Variants in ALPK3 observed in about 807,000 individuals in gnomAD.
ALPK3 encodes alpha-protein kinase 3.
Under a neutral mutation model 140.0 loss-of-function variants are expected in ALPK3, and 102 were observed. The ratio of observed to expected loss-of-function variants is 0.73; its 90% CI spans 0.62 to 0.86. ALPK3 has a LOEUF of 0.86. Among genes scored for constraint, ALPK3 ranks in the 40% least tolerant of loss-of-function variants. The pLI is 0.00. For synonymous variants in ALPK3, 938 were observed against 898.5 expected (o/e 1.04, Z -0.79); for missense variants, 2,254 against 2,208.2 (o/e 1.02, Z -0.42).
At chr15:84,835,673 G>C in intron 3 of ALPK3, among the ~76,000 whole-genome samples, 1 of 152,148 alleles carries the variant, frequency 6.6e-6, no homozygotes, top group East Asian at 1.9e-4. Flanking sequence ...TGCAGGTGAC[G>C]TTAGAGCTGA....
chr15:84,839,640 G>A, intron 4 of ALPK3, 62 bp from the exon 5 acceptor site: 1 of 1,527,226 alleles, frequency 6.5e-7, no homozygotes, highest in Non-Finnish European at 8.8e-7. Context: ...CTCTGGCTGG[G>A]GGGTGTGGGG....
chr15:84,858,728 T>C (rs754104268), intron 6 of ALPK3, among the ~76,000 whole-genome samples, 173 bp downstream of exon 6: 16 of 152,224 alleles, frequency 1.1e-4, no homozygotes, highest in Non-Finnish European at 1.5e-4. Flanking sequence ...TGGTTCTTGT[T>C]TTGATTCTGC....
At chr15:84,818,366 C>G (rs1963385862) in intron 1 of ALPK3, among the ~76,000 whole-genome samples, 1 of 152,192 alleles carries the variant, frequency 6.6e-6, no homozygotes. Flanking sequence ...AGACAATAGA[C>G]AGGCATCCAG....
intron 1 of ALPK3, among the ~76,000 whole-genome samples, chr15:84,818,513 T>A (rs987326786): frequency 2.8e-4 from 42 of 152,344 alleles, no homozygotes; most frequent in African/African-American, 9.6e-4. Flanking sequence ...AGATAGTGGT[T>A]GTTTCATAGC....
rs2141548947 is a variant in ALPK3 at position 84,827,619 on chromosome 15, C to A, written c.304+14C>A. On this transcript the variant is annotated intron_variant, in intron 3 of 13. Transcript: ENST00000258888. ...GCATCGTCACAGGTAAGGATGCTGT[C>A]TGTATGCTCCATGCCAGGGCCTCTG... is the stretch of plus-strand genomic sequence containing the variant. 2 of 1,613,722 alleles carry A rather than the reference C, an allele frequency of 1.2e-6. No homozygotes were observed. The highest frequency in any genetic ancestry group is 1.7e-6 in the Non-Finnish European group (2 of 1,180,004).
chr15:84,822,523 C>G (rs953863193), intron 1 of ALPK3, among the ~76,000 whole-genome samples: 4 of 152,110 alleles, frequency 2.6e-5, no homozygotes, highest in African/African-American at 9.7e-5. Context: ...ATGGGGTGAC[C>G]TCTGACATCT....
At position 84,868,169 on chromosome 15, in the gene ALPK3, C is replaced by T. The variant is rs1325356474; in HGVS notation, c.4831C>T (p.His1611Tyr). The change falls in exon 14 of 14, where the codon CAC becomes TAC. Residue 1611 changes from histidine to tyrosine, a missense_variant. Transcript: ENST00000258888. ...PALLDRFASS[H>Y]QCNAYCELLG... ...CCTGCTGGACCGGTTCGCCTCCTCCCACCAGTGCAATGCCTACTGTGAGCT... is the reference window on the plus strand; with the variant it reads ...CCTGCTGGACCGGTTCGCCTCCTCCTACCAGTGCAATGCCTACTGTGAGCT... 2 of 1,614,020 alleles carry T rather than the reference C, an allele frequency of 1.2e-6. No homozygotes were observed. Among genetic ancestry groups the T allele is most frequent in the African/African-American group, 1.3e-5 (1 of 74,912 alleles).
Position 84,859,249 on chromosome 15 carries a change from A to G in ALPK3, c.3824A>G (p.Gln1275Arg), listed in dbSNP as rs1390037202. The G allele has an allele frequency of 7.4e-6, 12 of 1,613,966 alleles. No homozygotes were observed. Among genetic ancestry groups the G allele is most frequent in the Non-Finnish European group, 9.3e-6 (11 of 1,179,992 alleles). The change falls in exon 7 of 14, where the codon CAG (glutamine) becomes CGG (arginine). Residue 1275 changes from glutamine to arginine, a missense_variant. By Grantham distance (43) the Gln-to-Arg change is conservative. Coordinates refer to ENST00000258888, the MANE Select transcript of ALPK3 (RefSeq NM_020778.5). ...RKAKDLLKAP[Q>R]VIRKIRVEQF... ...GACTGGGCCCTGCTCTCAGCCCCAC[A>G]GGTGATCCGGAAGATTCGGGTGGAG...
intron 1 of ALPK3, among the ~76,000 whole-genome samples, chr15:84,820,642 C>T (rs1004842574): frequency 2.0e-5 from 3 of 152,050 alleles, no homozygotes; most frequent in Admixed American, 2.0e-4. Flanking sequence ...CCACCGCACC[C>T]GGCTAATTTT....
intron 1 of ALPK3, among the ~76,000 whole-genome samples, chr15:84,822,789 C>T (rs933701686): frequency 2.0e-5 from 3 of 152,196 alleles, no homozygotes; most frequent in African/African-American, 7.2e-5. Flanking sequence ...AATTAACTGC[C>T]TTGTTTTTCT....
intron 3 of ALPK3, among the ~76,000 whole-genome samples, chr15:84,833,330 G>A (rs890311084): frequency 7.9e-5 from 12 of 152,192 alleles, no homozygotes; most frequent in African/African-American, 2.9e-4. Context: ...TAGGAAAGAG[G>A]TCTCTATGAT....
At chr15:84,828,086 T>TA (rs1418664086) in intron 3 of ALPK3, among the ~76,000 whole-genome samples, 1 of 152,202 alleles carries the variant, frequency 6.6e-6, no homozygotes, top group Non-Finnish European at 1.5e-5. Flanking sequence ...CCAATGATGT[T>TA]ACTGAGCACG....
chr15:84,857,559 G>T lies in ALPK3; in HGVS notation c.2821G>T (p.Asp941Tyr). The change falls in exon 6 of 14, where the codon GAT becomes TAT. Residue 941 changes from aspartate to tyrosine, a missense_variant. Asp to Tyr is a radical substitution (Grantham distance 160). Coordinates refer to ENST00000258888, the MANE Select transcript of ALPK3 (RefSeq NM_020778.5). ...TGAGGGGGCCTGCGCCCAGGTACCAGATGTGGAGGGGCGGACCCCAGGTCC... is the reference window on the plus strand; with the variant it reads ...TGAGGGGGCCTGCGCCCAGGTACCATATGTGGAGGGGCGGACCCCAGGTCC... ...SSEGACAQVP[D>Y]VEGRTPGPRS... 1 of 1,580,212 alleles carries T rather than the reference G, an allele frequency of 6.3e-7. No homozygotes were observed. The highest frequency in any genetic ancestry group is 1.3e-5 in the African/African-American group (1 of 74,306).
rs372396708 is a variant in ALPK3, at chr15:84,862,828, G to C, written c.4323G>C (p.Thr1441=). 1 of 1,614,032 alleles carries C rather than the reference G, an allele frequency of 6.2e-7. No homozygotes were observed. Among genetic ancestry groups the C allele is most frequent in the African/African-American group, 1.3e-5 (1 of 74,906 alleles). The change falls in exon 10 of 14, where the codon ACG becomes ACC. Residue 1441 remains threonine, a synonymous_variant. Transcript: ENST00000258888. ...GLEPIFESGR[T]CIIKVSSLLV... ...AACCCATCTTCGAGTCGGGCCGCACGTGCATCATCAAGGTGTCCAGCCTGC... is the reference window on the plus strand; with the variant it reads ...AACCCATCTTCGAGTCGGGCCGCACCTGCATCATCAAGGTGTCCAGCCTGC...
chr15:84,831,943 A>T (rs1228965674), intron 3 of ALPK3, among the ~76,000 whole-genome samples: 1 of 152,216 alleles, frequency 6.6e-6, no homozygotes, highest in Non-Finnish European at 1.5e-5. Context: ...TCTCAGCATA[A>T]GACATTTATT....
At chr15:84,849,259 A>G (rs1178859033) in intron 5 of ALPK3, among the ~76,000 whole-genome samples, 1 of 152,222 alleles carries the variant, frequency 6.6e-6, no homozygotes, top group African/African-American at 2.4e-5. Flanking sequence ...TTCAAAATAC[A>G]TGAAGCAAAA....
chr15:84,863,702 A>T (rs1596158178), intron 11 of ALPK3, 62 bp downstream of exon 11: 3 of 1,516,638 alleles, frequency 2.0e-6, no homozygotes, highest in Non-Finnish European at 2.7e-6. Flanking sequence ...TTCTGCAAAG[A>T]CAGTGATTTC....
chr15:84,835,457 G>T (rs569418457), intron 3 of ALPK3, among the ~76,000 whole-genome samples: 37 of 152,242 alleles, frequency 2.4e-4, no homozygotes, highest in African/African-American at 8.7e-4. Context: ...CACCTTGTGT[G>T]TTCACCCTAC....
Position 84,825,400 on chromosome 15 carries a change from C to T in ALPK3, c.182+2032C>T, listed in dbSNP as rs149470190. 6.2e-3 allele frequency among the ~76,000 whole-genome samples: 950 copies of T among 152,220 alleles called. 3 individuals carry two copies. Among genetic ancestry groups the T allele is most frequent in the Non-Finnish European group, 9.3e-3 (632 of 68,012 alleles). On this transcript the variant is annotated intron_variant, in intron 2 of 13. Transcript: ENST00000258888. ...CCACATTGGCCAGGCTGGTCTCGAT[C>T]TCTTGACCTCGTGATCCGCCAGCCT...
Sources: allele counts gnomAD v4.1 joint callset (sites outside exome capture counted in the v4.1 genomes callset), GRCh38; gene constraint gnomAD v4.1.1; transcripts MANE v1.5; gene names NCBI Gene and HGNC (gene_info 2026-07-23, HGNC 2026-07-21).